ZCWPW2: variants seen among roughly 807,000 people sequenced by gnomAD.
ZCWPW2 encodes the protein zinc finger CW-type PWWP domain protein 2.
Under a neutral mutation model 46.6 loss-of-function variants are expected in ZCWPW2, and 45 were observed. The ratio of observed to expected loss-of-function variants is 0.96; its 90% confidence interval spans 0.76 to 1.24. ZCWPW2 has a LOEUF of 1.24. ZCWPW2 is among the 50% of genes most tolerant of loss of function. The probability of loss-of-function intolerance (pLI) is 0.00; values close to 1 mark genes in which losing one functional copy is unlikely to be tolerated. For synonymous variants in ZCWPW2, 152 were observed against 137.1 expected (o/e 1.11, Z -0.76); for missense variants, 429 against 403.9 (o/e 1.06, Z -0.53).
At chr3:28,436,493 G>A (rs920892160) in intron 4 of ZCWPW2, among the ~76,000 whole-genome samples, 6 of 151,726 alleles carry the variant, frequency 4.0e-5, no homozygotes, top group African/African-American at 1.5e-4. Flanking sequence ...ATACAAATAA[G>A]TACATGTACG....
rs2125763093 is a variant in ZCWPW2 at position 28,434,812 on chromosome 3, A to G, written c.333-298A>G. On this transcript the variant is annotated intron_variant, in intron 3 of 9. Coordinates refer to ENST00000383768, the MANE Select transcript of ZCWPW2 (RefSeq NM_001040432.4). ...TTTTTTTTCTCTTATCTTTTCTATC[A>G]TCAGTGCCTAAATATCTCTTATTGT... Among the ~76,000 whole-genome samples the G allele has an allele frequency of 2.6e-5, 4 of 152,228 alleles. 1 individual carries two copies. The highest frequency in any genetic ancestry group is 2.6e-4 in the Admixed American group (4 of 15,292).
chr3:28,387,602 T>G (rs989131920), intron 1 of ZCWPW2, among the ~76,000 whole-genome samples: 1 of 152,208 alleles, frequency 6.6e-6, no homozygotes, highest in African/African-American at 2.4e-5. Context: ...TAGATTTGCT[T>G]TATTTATCTT....
At position 28,524,610 on chromosome 3, in the gene ZCWPW2, A is replaced by G. The variant is rs139764549; in HGVS notation, c.993A>G (p.Ile331Met). ...AGGACTATCTTGTAATTGATGGGAT[A>G]AAATTAAAAGCTGGAGAATGTATTG... ...YEEDYLVIDG[I>M]KLKAGECIED... The change falls in exon 10 of 10, where the codon ATA becomes ATG. Residue 331 changes from isoleucine to methionine, a missense_variant. By Grantham distance (10) the Ile-to-Met change is conservative. Transcript: ENST00000383768. 3.9e-4 allele frequency: 627 copies of G among 1,609,112 alleles called. 3 individuals carry two copies. In the African/African-American group the frequency reaches 7.1e-3, roughly 18 times the overall value.
intron 1 of ZCWPW2, among the ~76,000 whole-genome samples, chr3:28,369,666 C>A (rs887624597): frequency 2.6e-5 from 4 of 152,190 alleles, no homozygotes; most frequent in African/African-American, 4.8e-5. Flanking sequence ...CTGGGGGAAC[C>A]ACTACTCTCT....
intron 1 of ZCWPW2, among the ~76,000 whole-genome samples, chr3:28,361,078 A>G (rs1194270674): frequency 6.6e-6 from 1 of 152,098 alleles, no homozygotes; most frequent in Non-Finnish European, 1.5e-5. Context: ...TTATGTATAT[A>G]CAGATATTCT....
intron 4 of ZCWPW2, among the ~76,000 whole-genome samples, chr3:28,470,728 T>A (rs1225312152): frequency 6.6e-6 from 1 of 151,930 alleles, no homozygotes; most frequent in Non-Finnish European, 1.5e-5. Context: ...CTGATTTTCT[T>A]TTACTCAAAT....
At chr3:28,521,143 T>G in intron 9 of ZCWPW2, 27 bp downstream of exon 9, 1 of 1,571,788 alleles carries the variant, frequency 6.4e-7, no homozygotes, top group Non-Finnish European at 8.6e-7. Flanking sequence ...TTTTCAGACC[T>G]AAATAACAAC....
intron 4 of ZCWPW2, among the ~76,000 whole-genome samples, chr3:28,471,560 T>TA (rs1385100812): frequency 1.3e-5 from 2 of 152,030 alleles, no homozygotes; most frequent in East Asian, 3.9e-4. Context: ...CCCTTTATGA[T>TA]AAAAACCTCA....
intron 1 of ZCWPW2, among the ~76,000 whole-genome samples, chr3:28,375,133 G>A (rs1354692540): frequency 2.0e-5 from 3 of 150,724 alleles, no homozygotes; most frequent in Non-Finnish European, 4.4e-5. Flanking sequence ...TTTTCCTGAT[G>A]TAAGTATAAC....
chr3:28,526,295 A>T lies in ZCWPW2; in HGVS notation c.*1607A>T, dbSNP rs1422175115. On this transcript the variant is annotated 3_prime_UTR_variant, in exon 10 of 10. Coordinates refer to ENST00000383768, the MANE Select transcript of ZCWPW2 (RefSeq NM_001040432.4). Reference sequence around the variant, plus strand: ...AGTTTTCTTTCTGTTATATCATTTAATCTACTACTCATCAATATCAGAGTT... The same window carrying T: ...AGTTTTCTTTCTGTTATATCATTTATTCTACTACTCATCAATATCAGAGTT... 6.6e-6 allele frequency among the ~76,000 whole-genome samples: 1 copy of T among 152,182 alleles called. No homozygotes were observed. The highest frequency in any genetic ancestry group is 1.9e-4 in the East Asian group (1 of 5,196).
chr3:28,478,653 C>T (rs1381207011), intron 4 of ZCWPW2, among the ~76,000 whole-genome samples, 161 bp from the exon 5 acceptor site: 4 of 151,538 alleles, frequency 2.6e-5, no homozygotes, highest in South Asian at 4.1e-4. Context: ...ACAATTTTGC[C>T]GAATTCTAAA....
At chr3:28,505,044 A>C (rs1360362758) in intron 6 of ZCWPW2, among the ~76,000 whole-genome samples, 2 of 152,168 alleles carry the variant, frequency 1.3e-5, no homozygotes, top group Non-Finnish European at 2.9e-5. Flanking sequence ...AGCTCCTTGA[A>C]GTTTCCTGGT....
Position 28,433,588 on chromosome 3 carries a change from GAAACCCCATCTCTACTA to G in ZCWPW2, c.333-1520_333-1504del, listed in dbSNP as rs572053892. Among the ~76,000 whole-genome samples the G allele has an allele frequency of 2.5e-3, 385 of 151,972 alleles. 1 individual carries two copies. The highest frequency in any genetic ancestry group is 8.4e-3 in the African/African-American group (349 of 41,482). ...TCGAGACCAGCCTGACCAACATGGTGAAACCCCATCTCTACTAATTAGCCAGGCATGGTGGCAGGCGC... is the reference window on the plus strand; with the variant it reads ...TCGAGACCAGCCTGACCAACATGGTGATTAGCCAGGCATGGTGGCAGGCGC... On this transcript the variant is annotated intron_variant, in intron 3 of 9. Transcript: ENST00000383768.
chr3:28,393,941 C>T (rs1244759485), intron 2 of ZCWPW2, among the ~76,000 whole-genome samples: 1 of 151,846 alleles, frequency 6.6e-6, no homozygotes, highest in African/African-American at 2.4e-5. Flanking sequence ...AGCAATTAGG[C>T]AACTAAAAGG....
Position 28,374,138 on chromosome 3 carries a change from T to C in ZCWPW2, c.-133-16360T>C, listed in dbSNP as rs548426024. 9.9e-5 allele frequency among the ~76,000 whole-genome samples: 15 copies of C among 152,284 alleles called. No homozygotes were observed. In the South Asian group the frequency reaches 2.3e-3, roughly 23 times the overall value. On this transcript the variant is annotated intron_variant, in intron 1 of 9. Coordinates refer to ENST00000383768, the MANE Select transcript of ZCWPW2 (RefSeq NM_001040432.4). ...CATGGTTTCACATCCTAGATTTAAG[T>C]CTTTAGTCCATTTTGATTTGATTCT...
chr3:28,452,354 G>T (rs893615101), intron 4 of ZCWPW2, among the ~76,000 whole-genome samples: 12 of 152,004 alleles, frequency 7.9e-5, no homozygotes, highest in Admixed American at 7.2e-4. Flanking sequence ...GCACAGTCTC[G>T]GCTCACTGCA....
chr3:28,401,743 A>G (rs759397076), intron 2 of ZCWPW2, among the ~76,000 whole-genome samples: 2 of 152,156 alleles, frequency 1.3e-5, no homozygotes, highest in African/African-American at 4.8e-5. Context: ...TTCAGACCAC[A>G]GTATAAGAAA....
rs1697107509 is a variant in ZCWPW2, at chr3:28,428,363, ACCTGTGCTTT to A, written c.333-6744_333-6735del. The A allele has an allele frequency of 3.3e-5, 5 of 152,138 alleles. No homozygotes were observed. In the Middle Eastern group the frequency reaches 0.014, roughly 414 times the overall value. The allele number at this position is 152,138 out of a possible 1,614,324, so 9.4% of individuals were successfully genotyped here. Reference sequence around the variant, plus strand: ...ATCTATGACTGCCAGGTAGTCCTCTACCTGTGCTTTCCCTAACTCAGAGGCACAAGAGCCA... The same window carrying A: ...ATCTATGACTGCCAGGTAGTCCTCTACCCTAACTCAGAGGCACAAGAGCCA... On this transcript the variant is annotated intron_variant, in intron 3 of 9. Coordinates refer to ENST00000383768, the MANE Select transcript of ZCWPW2 (RefSeq NM_001040432.4).
chr3:28,523,608 A>T (rs1300088555), intron 9 of ZCWPW2, among the ~76,000 whole-genome samples: 2 of 152,226 alleles, frequency 1.3e-5, no homozygotes, highest in East Asian at 3.9e-4. Context: ...TAAATTTGAT[A>T]ATGTTTTCAT....
Sources: allele counts gnomAD v4.1 joint callset (sites outside exome capture counted in the v4.1 genomes callset), GRCh38; gene constraint gnomAD v4.1.1; transcripts MANE v1.5; gene names NCBI Gene and HGNC (gene_info 2026-07-23, HGNC 2026-07-21).